Variants in TJP3 observed in about 807,000 individuals in gnomAD.
TJP3 encodes tight junction protein 3.
TJP3 carries 85 observed loss-of-function variants against 104.2 expected under a neutral mutation model. The ratio of observed to expected loss-of-function variants is 0.82; its 90% CI spans 0.68 to 0.98. The LOEUF (loss-of-function observed/expected upper bound fraction) is 0.98, where lower values mean the gene tolerates loss of function less well. Among genes scored for constraint, TJP3 ranks in the 50% least tolerant of loss-of-function variants. The pLI is 0.00. For synonymous variants in TJP3, 550 were observed against 550.6 expected, an observed-to-expected ratio of 1.00 and a Z score of 0.02; for missense variants, 1,367 against 1,322.8, an observed-to-expected ratio of 1.03 and a Z score of -0.52.
rs1173488772 is a variant in TJP3 at position 3,738,597 on chromosome 19, G to A, written c.1327G>A (p.Val443Met). ...PFQNLTREEA[V>M]QFLLGLPPGE... ...CCAGAACCTGACACGGGAGGAGGCA[G>A]TGCAGTTCCTGCTGGGGCTGCCACC... The change falls in exon 12 of 21, where the codon GTG becomes ATG. Residue 443 changes from valine to methionine, a missense_variant. By Grantham distance (21) the Val-to-Met change is conservative (BLOSUM62 1). Coordinates refer to ENST00000541714, the MANE Select transcript of TJP3 (RefSeq NM_001267560.2). 6.2e-7 allele frequency: 1 copy of A among 1,614,050 alleles called. No homozygotes were observed. Among genetic ancestry groups the A allele is most frequent in the Non-Finnish European group, 8.5e-7 (1 of 1,180,002 alleles).
Position 3,746,072 on chromosome 19 carries a change from T to A in TJP3, c.2001T>A (p.Ile667=), listed in dbSNP as rs1599164064. 2 of 1,608,694 alleles carry A rather than the reference T, an allele frequency of 1.2e-6. No individual in the cohort carries two copies. The highest frequency in any genetic ancestry group is 1.7e-5 in the Admixed American group (1 of 59,304). Residue 667 remains isoleucine, a synonymous_variant, in exon 16 of 21, where the codon ATT becomes ATA. Coordinates refer to ENST00000541714, the MANE Select transcript of TJP3 (RefSeq NM_001267560.2). This position sits in a 1 kb window ranked among gnomAD's most constrained non-coding sequence, Gnocchi z 4.1. Reference sequence around the variant, plus strand: ...TCAAACTAGACACCGTGCGGGTGATTGCAGAAAAAGTAAGCCGGGTCCTGC... The same window carrying A: ...TCAAACTAGACACCGTGCGGGTGATAGCAGAAAAAGTAAGCCGGGTCCTGC... ...KIIKLDTVRV[I]AEKDKHALLD...
chr19:3,723,937 A>AG (rs1180897286), intron 1 of TJP3, among the ~76,000 whole-genome samples: 1 of 152,004 alleles, frequency 6.6e-6, no homozygotes, highest in East Asian at 1.9e-4. Flanking sequence ...CCTCAGTGGC[A>AG]GGGGCCAGCC....
intron 1 of TJP3, among the ~76,000 whole-genome samples, chr19:3,717,718 G>A (rs2036494488): frequency 6.6e-6 from 1 of 152,060 alleles, no homozygotes; most frequent in Non-Finnish European, 1.5e-5. Flanking sequence ...ACAGGCATGA[G>A]CCACTGCACC....
At chr19:3,712,271 G>A (rs1248407663) in intron 1 of TJP3, among the ~76,000 whole-genome samples, 1 of 152,148 alleles carries the variant, frequency 6.6e-6, no homozygotes, top group Non-Finnish European at 1.5e-5. Flanking sequence ...AGCCGGGATC[G>A]CACCACTGCA....
rs1251840414 is a variant in TJP3, at chr19:3,716,797, A to ATTTT, written c.-10+8237_-10+8238insTTTT. 7.4e-4 allele frequency among the ~76,000 whole-genome samples: 50 copies of ATTTT among 67,866 alleles called. 1 individual carries two copies. Among genetic ancestry groups the ATTTT allele is most frequent in the African/African-American group, 2.0e-3 (43 of 21,356 alleles). 44.5% of individuals were successfully genotyped at this position (67,866 alleles called of 152,430 possible). On this transcript the variant is annotated intron_variant, in intron 1 of 20. Transcript: ENST00000541714. ...AGCTCATACATATATATATATATAT[A>ATTTT]TATATTTTTTTTTTTTTTTTGAAAC...
rs752168370 is a variant in TJP3 at position 3,735,551 on chromosome 19, T to C, written c.987-15T>C. ...AAATCCATCCCTGCCTCACTCCCAATCTGTTCCCCACCAGGGAGAGTCCCC... is the reference window on the plus strand; with the variant it reads ...AAATCCATCCCTGCCTCACTCCCAACCTGTTCCCCACCAGGGAGAGTCCCC... On this transcript the variant is annotated splice_polypyrimidine_tract_variant and intron_variant, in intron 8 of 20. Coordinates refer to ENST00000541714, the MANE Select transcript of TJP3 (RefSeq NM_001267560.2). 26 of 1,613,864 alleles carry C rather than the reference T, an allele frequency of 1.6e-5. No individual in the cohort carries two copies. The highest frequency in any genetic ancestry group is 1.3e-5 in the Non-Finnish European group (15 of 1,179,894).
At chr19:3,743,093 G>C (rs1298480778) in intron 14 of TJP3, among the ~76,000 whole-genome samples, 2 of 151,508 alleles carry the variant, frequency 1.3e-5, no homozygotes, top group Non-Finnish European at 2.9e-5. Flanking sequence ...GTGAAACCCA[G>C]TTTCTACTAA....
At chr19:3,712,412 C>T (rs2036441993) in intron 1 of TJP3, among the ~76,000 whole-genome samples, 1 of 152,180 alleles carries the variant, frequency 6.6e-6, no homozygotes, top group South Asian at 2.1e-4. Flanking sequence ...TGTAATTCAC[C>T]TTTGGCTTTC....
Position 3,710,281 on chromosome 19 carries a change from A to G in TJP3, c.-10+1720A>G, listed in dbSNP as rs372442313. On this transcript the variant is annotated intron_variant, in intron 1 of 20. Coordinates refer to ENST00000541714, the MANE Select transcript of TJP3 (RefSeq NM_001267560.2). The stretch of plus-strand genomic sequence containing the variant: ...GTCAAGACGAGCTATCCCGGTCCGA[A>G]TCGGAGTCTGGTCTCATCAGCTTCC... Among the ~76,000 whole-genome samples, 685 of 70,724 alleles carry G rather than the reference A, an allele frequency of 9.7e-3. 4 individuals are homozygous for G. Among genetic ancestry groups the G allele is most frequent in the African/African-American group, 0.029 (626 of 21,936 alleles). The allele number at this position is 70,724 out of a possible 152,430, so 46.4% of individuals were successfully genotyped here.
At chr19:3,721,675 G>T in intron 1 of TJP3, 1 of 353,024 alleles carries the variant, frequency 2.8e-6, no homozygotes, top group Admixed American at 4.7e-5. Context: ...CCGCGTCCAG[G>T]GGGCGTGTCT....
In TJP3 at chr19:3,730,794, C is replaced by T; in HGVS notation, c.613+88C>T. ...GCGACGGTTTCAAGTGATTCTCCTG[C>T]CTCAGCCTCCCTGGTGGCTGGGACT... On this transcript the variant is annotated intron_variant, in intron 5 of 20. Transcript: ENST00000541714. The surrounding 1 kb of genome is among the most constrained non-coding windows in gnomAD (Gnocchi z 7.3). The T allele has an allele frequency of 1.4e-6, 2 of 1,392,368 alleles. No individual in the cohort carries two copies. 86.3% of individuals were successfully genotyped at this position (1,392,368 alleles called of 1,614,324 possible). A position where few individuals can be genotyped will look rare whatever the true frequency, so the allele number is the denominator to read the frequency against.
Position 3,746,175 on chromosome 19 carries a change from A to T in TJP3, c.2010+94A>T. The T allele has an allele frequency of 1.6e-6, 2 of 1,273,036 alleles. No individual in the cohort carries two copies. The highest frequency in any genetic ancestry group is 1.1e-6 in the Non-Finnish European group (1 of 897,098). 78.9% of individuals were successfully genotyped at this position (1,273,036 alleles called of 1,614,324 possible). ...ATGTCCTGACCTGTTCTCAGCCCAC[A>T]CCCCACAAGTGCAGTCTTCCATAGA... On this transcript the variant is annotated intron_variant, in intron 16 of 20. Transcript: ENST00000541714. This position sits in a 1 kb window ranked among gnomAD's most constrained non-coding sequence, Gnocchi z 4.1.
Position 3,730,414 on chromosome 19 carries a change from A to C in TJP3, c.321A>C (p.Pro107=). Reference sequence around the variant, plus strand: ...CCACCAAAGCCAGCCCCTCCAGCCCAGGGCGCCAGGACTCGGATGAAGACG... The same window carrying C: ...CCACCAAAGCCAGCCCCTCCAGCCCCGGGCGCCAGGACTCGGATGAAGACG... ...LPATKASPSS[P]GRQDSDEDDG... The change falls in exon 5 of 21, where the codon CCA becomes CCC. Residue 107 remains proline, a synonymous_variant. Transcript: ENST00000541714. This position sits in a 1 kb window ranked among gnomAD's most constrained non-coding sequence, Gnocchi z 7.3. 1.3e-6 allele frequency: 2 copies of C among 1,585,420 alleles called. 1 individual carries two copies. Among genetic ancestry groups the C allele is most frequent in the Non-Finnish European group, 1.7e-6 (2 of 1,167,150 alleles).
At chr19:3,740,132 T>C (rs2036793460) in intron 13 of TJP3, among the ~76,000 whole-genome samples, 1 of 152,148 alleles carries the variant, frequency 6.6e-6, no homozygotes, top group Non-Finnish European at 1.5e-5. Context: ...CTTGGGAGGC[T>C]GAGGCATGAG....
intron 1 of TJP3, among the ~76,000 whole-genome samples, chr19:3,711,037 G>A (rs2036429276): frequency 6.8e-6 from 1 of 147,530 alleles, no homozygotes; most frequent in Admixed American, 6.9e-5. Context: ...CCGAGTAGCT[G>A]GGACTACAGG....
rs1046278 is a variant in TJP3 at position 3,750,692 on chromosome 19, A to G, written c.*8A>G. On this transcript the variant is annotated 3_prime_UTR_variant, in exon 21 of 21. Transcript: ENST00000541714. ...CCGGCCACTGACCTGTGACCTCTCG[A>G]AGGCTGCCAGCTGGTCCGTCCTCCT... The G allele has an allele frequency of 1.3e-6, 2 of 1,586,038 alleles. No homozygotes were observed. Among genetic ancestry groups the G allele is most frequent in the African/African-American group, 1.3e-5 (1 of 74,562 alleles).
rs998150035 is a variant in TJP3, at chr19:3,735,293, G to A, written c.987-273G>A. 2.6e-5 allele frequency among the ~76,000 whole-genome samples: 4 copies of A among 151,974 alleles called. 1 individual carries two copies. In the South Asian group the frequency reaches 6.2e-4, roughly 24 times the overall value. On this transcript the variant is annotated intron_variant, in intron 8 of 20. Coordinates refer to ENST00000541714, the MANE Select transcript of TJP3 (RefSeq NM_001267560.2). ...TGGCTCACTGCAACCTCTGCCTCCC[G>A]GGTTCAAGCAATTCTCCTGCCTTAG...
At chr19:3,724,042 C>T (rs2036571587) in intron 1 of TJP3, among the ~76,000 whole-genome samples, 1 of 151,650 alleles carries the variant, frequency 6.6e-6, no homozygotes. Context: ...TGAGGTTAGG[C>T]TTAATCCCTC....
In TJP3 at chr19:3,746,052, C is replaced by G. The variant is rs756571840; in HGVS notation, c.1981C>G (p.Leu661Val). ...CGACAGCCCCTCCAAGATCATCAAACTAGACACCGTGCGGGTGATTGCAGA... is the reference window on the plus strand; with the variant it reads ...CGACAGCCCCTCCAAGATCATCAAAGTAGACACCGTGCGGGTGATTGCAGA... ...RTDSPSKIIK[L>V]DTVRVIAEKD... Residue 661 changes from leucine to valine, a missense_variant, in exon 16 of 21, where the codon CTA (leucine) becomes GTA (valine). By Grantham distance (32) the Leu-to-Val change is conservative. Transcript: ENST00000541714. This position sits in a 1 kb window ranked among gnomAD's most constrained non-coding sequence, Gnocchi z 4.1. The G allele has an allele frequency of 3.7e-6, 6 of 1,610,272 alleles. No homozygotes were observed. The highest frequency in any genetic ancestry group is 5.1e-6 in the Non-Finnish European group (6 of 1,178,228).
Sources: gnomAD v4.1 joint callset for allele counts (sites outside exome capture counted in the v4.1 genomes callset) on GRCh38, gnomAD v4.1.1 for gene constraint, Gnocchi (gnomAD v3.1) non-coding constraint, MANE v1.5 for transcripts, NCBI Gene and HGNC (gene_info 2026-07-23, HGNC 2026-07-21) for gene names.